ELF2: variants seen among roughly 807,000 people sequenced by gnomAD.
The protein encoded by ELF2 is ETS-related transcription factor Elf-2.
A neutral mutation model predicts 54.8 loss-of-function variants in ELF2; 11 were observed. The ratio of observed to expected loss-of-function variants is 0.20; its 90% CI spans 0.13 to 0.33. The LOEUF (loss-of-function observed/expected upper bound fraction) is 0.33. ELF2 is among the 10% of genes least tolerant of loss of function. The probability of loss-of-function intolerance (pLI) is 1.00; values close to 1 mark genes in which losing one functional copy is unlikely to be tolerated. For missense variants in ELF2, 513 were observed against 703.0 expected (o/e 0.73, Z 3.06); for synonymous variants, 203 against 245.1 (o/e 0.83, Z 1.61).
At chr4:139,161,540 GT>G (rs1741138428) in intron 1 of ELF2, among the ~76,000 whole-genome samples, 1 of 148,720 alleles carries the variant, frequency 6.7e-6, no homozygotes, top group South Asian at 2.1e-4. Flanking sequence ...TCTTTTTTAG[GT>G]TAACATCTGA....
chr4:139,061,092 C>T (rs1310686729), intron 8 of ELF2, among the ~76,000 whole-genome samples: 1 of 151,858 alleles, frequency 6.6e-6, no homozygotes, highest in Non-Finnish European at 1.5e-5. Context: ...GTCACATAAA[C>T]AATGTGTTCA....
intron 4 of ELF2, among the ~76,000 whole-genome samples, chr4:139,088,246 C>T (rs974514434): frequency 1.3e-5 from 2 of 148,588 alleles, no homozygotes; most frequent in African/African-American, 5.0e-5. Flanking sequence ...GAGATCACGC[C>T]ACTGCACTCC....
At chr4:139,063,155 G>T (rs1728139311) in intron 7 of ELF2, among the ~76,000 whole-genome samples, 1 of 152,146 alleles carries the variant, frequency 6.6e-6, no homozygotes, top group African/African-American at 2.4e-5. Flanking sequence ...TTACTTGGGA[G>T]GCTGAGGCAT....
At chr4:139,061,436 C>T (rs1727843867) in intron 8 of ELF2, among the ~76,000 whole-genome samples, 1 of 152,096 alleles carries the variant, frequency 6.6e-6, no homozygotes, top group Non-Finnish European at 1.5e-5. Flanking sequence ...CAGCCTCCCA[C>T]AGTTCTGGCA....
At chr4:139,119,598 G>A (rs1173922679) in intron 4 of ELF2, among the ~76,000 whole-genome samples, 1 of 152,166 alleles carries the variant, frequency 6.6e-6, no homozygotes, top group Non-Finnish European at 1.5e-5. Flanking sequence ...TGAGCCAAAG[G>A]ACAGAAACAG....
intron 1 of ELF2, among the ~76,000 whole-genome samples, chr4:139,155,974 G>T (rs894339409): frequency 6.7e-6 from 1 of 148,742 alleles, no homozygotes; most frequent in Non-Finnish European, 1.5e-5. Context: ...ATCTGGAAGA[G>T]AACTTACAGC....
rs1727413014 is a variant in ELF2, at chr4:139,059,033, C to T, written c.1732G>A (p.Ala578Thr). Residue 578 changes from alanine (A) to threonine (T), a missense_variant, in exon 10 of 10, where the codon GCC (alanine) becomes ACC (threonine). Physicochemically the swap from Ala to Thr is moderately conservative, Grantham distance 58 (BLOSUM62 0). This residue lies in a region of ELF2 where 291 missense variants were observed against 366.1 expected (regional missense o/e 0.79). Transcript: ENST00000686138. ...TCTGTTTTCATAGTTACAGGAAGGG[C>T]AATAGCTGAAGGCGCACTGACAACC... ...VVVVSAPSAI[A>T]LPVTMKTEGL... 6.2e-7 allele frequency: 1 copy of T among 1,613,772 alleles called. No homozygotes were observed. The highest frequency in any genetic ancestry group is 1.3e-5 in the African/African-American group (1 of 75,016).
At chr4:139,123,978 A>G (rs1736653498) in intron 4 of ELF2, among the ~76,000 whole-genome samples, 1 of 152,196 alleles carries the variant, frequency 6.6e-6, no homozygotes, top group Non-Finnish European at 1.5e-5. Context: ...TGCACTATAT[A>G]CTGTAAATCA....
intron 1 of ELF2, among the ~76,000 whole-genome samples, chr4:139,145,318 C>G (rs1000187513): frequency 1.8e-4 from 27 of 152,222 alleles, no homozygotes; most frequent in Admixed American, 1.0e-3. Flanking sequence ...CCTATGAGAG[C>G]TGGTGCTGGT....
At chr4:139,160,434 G>A (rs989902787) in intron 1 of ELF2, among the ~76,000 whole-genome samples, 2 of 152,172 alleles carry the variant, frequency 1.3e-5, no homozygotes, top group African/African-American at 4.8e-5. Flanking sequence ...CAAGTAATAT[G>A]TAATCCTGTA....
intron 4 of ELF2, among the ~76,000 whole-genome samples, chr4:139,093,026 C>T (rs555488297): frequency 2.0e-5 from 3 of 146,524 alleles, no homozygotes; most frequent in Non-Finnish European, 4.5e-5. Flanking sequence ...AGTGCAGTGG[C>T]GCAATCTCGG....
intron 1 of ELF2, among the ~76,000 whole-genome samples, chr4:139,166,590 C>T (rs1004525928): frequency 3.3e-5 from 5 of 151,468 alleles, no homozygotes; most frequent in African/African-American, 9.7e-5. Context: ...GAGATTAGGC[C>T]GGGCACGGTG....
At chr4:139,127,729 C>T (rs796729291) in intron 3 of ELF2, among the ~76,000 whole-genome samples, 30 of 152,160 alleles carry the variant, frequency 2.0e-4, no homozygotes, top group African/African-American at 7.0e-4. Flanking sequence ...CTTTTGGAGG[C>T]TGAGGTGGGC....
At chr4:139,075,608 T>C (rs1204761515) in intron 4 of ELF2, among the ~76,000 whole-genome samples, 3 of 152,168 alleles carry the variant, frequency 2.0e-5, no homozygotes, top group East Asian at 1.9e-4. Flanking sequence ...TTTTGTATTT[T>C]AGTAGAGACG....
intron 4 of ELF2, chr4:139,084,170 C>G: frequency 6.2e-7 from 1 of 1,613,598 alleles, no homozygotes. Context: ...TCGTGGGTCC[C>G]TCATGCAGAG....
At chr4:139,080,032 T>A (rs1560781755) in intron 4 of ELF2, among the ~76,000 whole-genome samples, 1 of 152,228 alleles carries the variant, frequency 6.6e-6, no homozygotes. Flanking sequence ...CTTTTGAACA[T>A]TTTGCTATAG....
chr4:139,091,409 C>G (rs888787350), intron 4 of ELF2, among the ~76,000 whole-genome samples: 3 of 152,128 alleles, frequency 2.0e-5, no homozygotes, highest in Non-Finnish European at 4.4e-5. Flanking sequence ...ATTTGATTCA[C>G]AGATGGAAAA....
chr4:139,176,492 G>A (rs1742939892), intron 1 of ELF2, among the ~76,000 whole-genome samples: 1 of 147,714 alleles, frequency 6.8e-6, no homozygotes, highest in African/African-American at 2.5e-5. Context: ...GCAGACTCCC[G>A]CCCTACACAA....
chr4:139,124,048 T>C (rs1736663552), intron 4 of ELF2, among the ~76,000 whole-genome samples: 1 of 151,704 alleles, frequency 6.6e-6, no homozygotes, highest in African/African-American at 2.4e-5. Context: ...CCTGGTTTTT[T>C]GTTTATTTGT....
Sources: allele counts gnomAD v4.1 joint callset (sites outside exome capture counted in the v4.1 genomes callset), GRCh38; gene constraint gnomAD v4.1.1; regional missense constraint gnomAD v4.1.1; transcripts MANE v1.5; gene names NCBI Gene and HGNC (gene_info 2026-07-23, HGNC 2026-07-21).